The following VWA5B1 variants were observed in gnomAD, a reference collection of about 807,000 sequenced individuals.
The protein encoded by VWA5B1 is von Willebrand factor A domain containing 5B1, also known as von Willebrand factor A domain-containing protein 5B1.
Under a neutral mutation model 118.2 loss-of-function variants are expected in VWA5B1, and 115 were observed. The observed-to-expected ratio is 0.97, with a 90% CI of 0.84 to 1.14. The LOEUF is 1.14. Ranked by LOEUF, VWA5B1 falls within the 50% of genes most tolerant of loss-of-function variation. The pLI, the probability that VWA5B1 is intolerant of heterozygous loss-of-function variation, is 0.00. For missense variants in VWA5B1, 1,596 were observed against 1,603.8 expected, an observed-to-expected ratio of 1.00 and a Z score of 0.08; for synonymous variants, 682 against 658.4, an observed-to-expected ratio of 1.04 and a Z score of -0.55.
intron 17 of VWA5B1, 76 bp from the exon 18 acceptor site, chr1:20,348,169 C>T (rs1230592005): frequency 1.5e-6 from 2 of 1,313,382 alleles, no homozygotes; most frequent in Non-Finnish European, 1.1e-6. Context: ...AGAATCATTC[C>T]TGTCAGCTCT....
chr1:20,355,657 T>C lies in VWA5B1; in HGVS notation c.*1394T>C, dbSNP rs544556753. 6.6e-6 allele frequency among the ~76,000 whole-genome samples: 1 copy of C among 152,348 alleles called. No individual in the cohort carries two copies. The highest frequency in any genetic ancestry group is 2.1e-4 in the South Asian group (1 of 4,830). On this transcript the variant is annotated 3_prime_UTR_variant, in exon 22 of 22. Coordinates refer to ENST00000289815, the MANE Select transcript of VWA5B1 (RefSeq NM_001039500.3). ...AACCAACTCGTGGGGTCCTGCGGGC[T>C]CTGGCGCAAGCCCCGGCCTCAGGAA... is the stretch of plus-strand genomic sequence containing the variant.
At chr1:20,327,782 G>T (rs1238479483) in intron 8 of VWA5B1, 108 bp from the exon 9 acceptor site, 13 of 933,324 alleles carry the variant, frequency 1.4e-5, no homozygotes, top group Non-Finnish European at 2.0e-5. Flanking sequence ...GGAGGGTAAA[G>T]GTCTGTTTGG....
rs764856363 is a variant in VWA5B1, at chr1:20,343,337, G to T, written c.2570G>T (p.Arg857Leu). The T allele has an allele frequency of 5.3e-5, 81 of 1,542,532 alleles. 1 individual carries two copies. The East Asian group carries it at 1.0e-3, about 20-fold the overall frequency. The change falls in exon 16 of 22, where the codon CGC becomes CTC. Residue 857 changes from arginine (R) to leucine (L), a missense_variant. Transcript: ENST00000289815. The part of the protein sequence containing the change: ...WSETFHHLAA[R>L]AIIRDFEQLA... Reference sequence around the variant, plus strand: ...GAGACCTTCCACCACCTGGCGGCCCGCGCCATCATCCGCGACTTCGAGCAG... The same window carrying T: ...GAGACCTTCCACCACCTGGCGGCCCTCGCCATCATCCGCGACTTCGAGCAG...
chr1:20,304,310 C>A (rs6691099), intron 1 of VWA5B1, among the ~76,000 whole-genome samples: 81 of 152,218 alleles, frequency 5.3e-4, no homozygotes, highest in African/African-American at 1.8e-3. Flanking sequence ...GGATCTAAGC[C>A]TTGAAAGAGG....
At chr1:20,300,078 T>A (rs1433728618) in intron 1 of VWA5B1, among the ~76,000 whole-genome samples, 3 of 152,006 alleles carry the variant, frequency 2.0e-5, no homozygotes, top group Non-Finnish European at 1.5e-5. Flanking sequence ...ATTCAAATCC[T>A]GGCTCTACAC....
intron 5 of VWA5B1, 80 bp downstream of exon 5, chr1:20,317,755 A>AGCCC: frequency 2.3e-6 from 2 of 865,944 alleles, no homozygotes; most frequent in Non-Finnish European, 3.5e-6. Flanking sequence ...CGGGGGTGGG[A>AGCCC]AGGAAAGCCA....
chr1:20,314,786 C>T (rs956717577), intron 4 of VWA5B1, among the ~76,000 whole-genome samples, 194 bp downstream of exon 4: 2 of 151,962 alleles, frequency 1.3e-5, no homozygotes, highest in South Asian at 4.2e-4. Context: ...CCTGAAATGC[C>T]CCTGTAATGG....
In VWA5B1 at chr1:20,350,942, A is replaced by G. The variant is rs1357073681; in HGVS notation, c.3023+16A>G. 2.6e-6 allele frequency: 4 copies of G among 1,551,126 alleles called. No homozygotes were observed. The highest frequency in any genetic ancestry group is 4.9e-5 in the East Asian group (2 of 40,914). On this transcript the variant is annotated intron_variant, in intron 20 of 21. Coordinates refer to ENST00000289815, the MANE Select transcript of VWA5B1 (RefSeq NM_001039500.3). The stretch of plus-strand genomic sequence containing the variant: ...TTGGATCCTGGTAGGTGGGATTTCC[A>G]ATAAAGGTACACTCTCCTGCCACCC...
At chr1:20,340,688 A>G (rs999617333) in intron 14 of VWA5B1, among the ~76,000 whole-genome samples, 18 of 152,222 alleles carry the variant, frequency 1.2e-4, no homozygotes, top group African/African-American at 3.6e-4. Context: ...ATATTCTTCA[A>G]TTACAAAAGT....
rs1263731425 is a variant in VWA5B1 at position 20,353,927 on chromosome 1, C to T, written c.3312C>T (p.Ser1104=). The T allele has an allele frequency of 6.5e-7, 1 of 1,549,820 alleles. No individual in the cohort carries two copies. The highest frequency in any genetic ancestry group is 2.0e-5 in the Admixed American group (1 of 50,922). Reference sequence around the variant, plus strand: ...CCCCGAGTCCCCAGCTGTGCACCAGCTCCCCGCCTAGGCACCCGTCCTGTG... The same window carrying T: ...CCCCGAGTCCCCAGCTGTGCACCAGTTCCCCGCCTAGGCACCCGTCCTGTG... ...SKTPSPQLCT[S]SPPRHPSCDS... Residue 1104 remains serine (S), a synonymous_variant, in exon 22 of 22, where the codon AGC becomes AGT. Coordinates refer to ENST00000289815, the MANE Select transcript of VWA5B1 (RefSeq NM_001039500.3).
intron 1 of VWA5B1, among the ~76,000 whole-genome samples, chr1:20,291,359 T>TTCTTTCTTTCTTTCTTTCTCTCTC (rs1381113890): frequency 9.0e-4 from 93 of 103,400 alleles, no homozygotes; most frequent in African/African-American, 3.0e-3. Flanking sequence ...CTTTCTTTCT[T>TTCTTTCTTTCTTTCTTTCTCTCTC]TCTCTCTCTC....
chr1:20,291,359 T>TCTCTCTCTCTCTCTCTC (rs2088297636), intron 1 of VWA5B1, among the ~76,000 whole-genome samples: 25 of 103,336 alleles, frequency 2.4e-4, no homozygotes, highest in African/African-American at 6.9e-4. Flanking sequence ...CTTTCTTTCT[T>TCTCTCTCTCTCTCTCTC]TCTCTCTCTC....
chr1:20,342,345 A>G (rs919368740), intron 14 of VWA5B1, 87 bp from the exon 15 acceptor site: 8 of 1,411,120 alleles, frequency 5.7e-6, no homozygotes, highest in Non-Finnish European at 6.8e-6. Flanking sequence ...AGGAGGGTCC[A>G]GCCACCAGGA....
At chr1:20,343,036 T>TC (rs1400533297) in intron 15 of VWA5B1, 43 bp from the exon 16 acceptor site, 1 of 1,471,520 alleles carries the variant, frequency 6.8e-7, no homozygotes, top group East Asian at 2.5e-5. Flanking sequence ...TGGCCGTCTG[T>TC]CCCCCAGGTC....
Position 20,343,272 on chromosome 1 carries a change from A to G in VWA5B1, c.2505A>G (p.Gly835=). The change falls in exon 16 of 22, where the codon GGA becomes GGG. Residue 835 remains glycine (G), a synonymous_variant. Transcript: ENST00000289815. Reference sequence around the variant, plus strand: ...TGAGCTTCGAGCTGGGGACCCCTGGACCGGAGCGGGGCGGCGCGCAGGATG... The same window carrying G: ...TGAGCTTCGAGCTGGGGACCCCTGGGCCGGAGCGGGGCGGCGCGCAGGATG... ...WEVSFELGTP[G]PERGGAQDAD... is the part of the protein sequence containing the mutation. 6.5e-7 allele frequency: 1 copy of G among 1,548,368 alleles called. No individual in the cohort carries two copies. Among genetic ancestry groups the G allele is most frequent in the Non-Finnish European group, 8.7e-7 (1 of 1,146,728 alleles).
At chr1:20,297,399 C>T (rs1207602008) in intron 1 of VWA5B1, among the ~76,000 whole-genome samples, 1 of 152,232 alleles carries the variant, frequency 6.6e-6, no homozygotes, top group Non-Finnish European at 1.5e-5. Context: ...GCTTTGAAAG[C>T]TTCCACCTGG....
intron 16 of VWA5B1, among the ~76,000 whole-genome samples, chr1:20,344,078 C>A (rs900292496): frequency 1.1e-4 from 17 of 150,096 alleles, no homozygotes; most frequent in Non-Finnish European, 5.9e-5. Context: ...GTCCACCCAC[C>A]AACACACGCA....
intron 3 of VWA5B1, 24 bp from the exon 4 acceptor site, chr1:20,314,298 C>T (rs147840742): frequency 1.3e-6 from 2 of 1,550,018 alleles, no homozygotes. Context: ...TATGTACAGC[C>T]CCTGACGCCA....
At chr1:20,294,502 G>A (rs753699423) in intron 1 of VWA5B1, 4 of 150,898 alleles carry the variant, frequency 2.7e-5, no homozygotes, top group East Asian at 2.0e-4. Flanking sequence ...TTTTTGAGAC[G>A]GAGTTTCACT....
Sources: allele counts gnomAD v4.1 joint callset (sites outside exome capture counted in the v4.1 genomes callset), GRCh38; gene constraint gnomAD v4.1.1; transcripts MANE v1.5; gene names NCBI Gene and HGNC (gene_info 2026-07-23, HGNC 2026-07-21).